Variants in ASIC1 observed in about 807,000 individuals in gnomAD.
ASIC1 encodes the protein acid-sensing ion channel 1.
Under a neutral mutation model 63.4 loss-of-function variants are expected in ASIC1, and 21 were observed. The ratio of observed to expected loss-of-function variants is 0.33; its 90% CI spans 0.23 to 0.48. The LOEUF (loss-of-function observed/expected upper bound fraction) is 0.48. Ranked by LOEUF, ASIC1 falls within the 20% of genes least tolerant of loss-of-function variation. The pLI is 0.99. For synonymous variants in ASIC1, 258 were observed against 278.2 expected (o/e 0.93, Z 0.72); for missense variants, 478 against 695.5 (o/e 0.69, Z 3.52).
Position 50,059,311 on chromosome 12 carries a change from C to G in ASIC1, c.362+183C>G, listed in dbSNP as rs1323154129. Among the ~76,000 whole-genome samples the G allele has an allele frequency of 6.6e-6, 1 of 152,084 alleles. No individual in the cohort carries two copies. The highest frequency in any genetic ancestry group is 1.5e-5 in the Non-Finnish European group (1 of 68,010). ...CTGCTGAGCACCCAGTTAAGGGCAC[C>G]CAGCCTCCGATCCCAGCATAGTCCA... is the stretch of plus-strand genomic sequence containing the variant. On this transcript the variant is annotated intron_variant, in intron 2 of 11. Coordinates refer to ENST00000447966, the MANE Select transcript of ASIC1 (RefSeq NM_001095.4). The surrounding 1 kb of genome is among the most constrained non-coding windows in gnomAD (Gnocchi z 4.6).
In ASIC1 at chr12:50,073,669, C is replaced by T. The variant is rs1009423847; in HGVS notation, c.559-3544C>T. On this transcript the variant is annotated intron_variant, in intron 3 of 11. Coordinates refer to ENST00000447966, the MANE Select transcript of ASIC1 (RefSeq NM_001095.4). ...CTTGGGAGATATTTGGGGTCCCCAC[C>T]ACCATCAGCAGCAGCAGGACATCTC... 16 of 1,536,238 alleles carry T rather than the reference C, an allele frequency of 1.0e-5. No individual in the cohort carries two copies. The Admixed American group carries it at 1.6e-4, about 15-fold the overall frequency.
intron 3 of ASIC1, 96 bp from the exon 4 acceptor site, chr12:50,077,117 G>T (rs1950662980): frequency 1.9e-6 from 3 of 1,577,760 alleles, no homozygotes; most frequent in African/African-American, 2.7e-5. Context: ...TTCCCAAAGG[G>T]TGTTGAGATT....
chr12:50,078,361 C>T lies in ASIC1; in HGVS notation c.838-60C>T, dbSNP rs1317457945. 5 of 1,597,948 alleles carry T rather than the reference C, an allele frequency of 3.1e-6. No homozygotes were observed. In the Admixed American group the frequency reaches 5.1e-5, roughly 16 times the overall value. ...AGATCTGCATCTTGTCAGAGGAGTC[C>T]ATCAAGCTGATTTGGGGAGAAGTCC... On this transcript the variant is annotated intron_variant, in intron 5 of 11. Coordinates refer to ENST00000447966, the MANE Select transcript of ASIC1 (RefSeq NM_001095.4). The surrounding 1 kb of genome is among the most constrained non-coding windows in gnomAD (Gnocchi z 6.0).
At chr12:50,073,664 C>T in intron 3 of ASIC1, 2 of 1,536,302 alleles carry the variant, frequency 1.3e-6, no homozygotes, top group Non-Finnish European at 1.7e-6. Flanking sequence ...ATTTGGGGTC[C>T]CCACCACCAT....
chr12:50,074,332 G>T lies in ASIC1; in HGVS notation c.559-2881G>T. The T allele has an allele frequency of 7.0e-7, 1 of 1,426,540 alleles. No individual in the cohort carries two copies. The highest frequency in any genetic ancestry group is 1.5e-5 in the South Asian group (1 of 65,798). The allele number at this position is 1,426,540 out of a possible 1,614,324, so 88.4% of individuals were successfully genotyped here. On this transcript the variant is annotated intron_variant, in intron 3 of 11. Coordinates refer to ENST00000447966, the MANE Select transcript of ASIC1 (RefSeq NM_001095.4). The surrounding 1 kb of genome is among the most constrained non-coding windows in gnomAD (Gnocchi z 4.2). ...GTCACCTCCTGGGGTTGGGGCTGGG[G>T]CTGGGGCTGGGGCTGATGACTGTGC... is the stretch of plus-strand genomic sequence containing the variant.
chr12:50,067,330 G>A (rs1273053357), intron 3 of ASIC1, among the ~76,000 whole-genome samples: 1 of 151,756 alleles, frequency 6.6e-6, no homozygotes. Flanking sequence ...TCATGTTGCC[G>A]AATCCAGCAA....
chr12:50,070,836 A>T (rs1950592391), intron 3 of ASIC1: 1 of 152,362 alleles, frequency 6.6e-6, no homozygotes, highest in Non-Finnish European at 1.5e-5. Flanking sequence ...GGAAAAAGAT[A>T]CACACAGGAC....
At chr12:50,072,635 T>C (rs1950611123) in intron 3 of ASIC1, among the ~76,000 whole-genome samples, 2 of 151,826 alleles carry the variant, frequency 1.3e-5, no homozygotes, top group African/African-American at 4.8e-5. Context: ...CAAACTAAAC[T>C]GTTCGGGGGG....
chr12:50,064,197 G>T (rs1361202654), intron 3 of ASIC1, among the ~76,000 whole-genome samples: 1 of 152,076 alleles, frequency 6.6e-6, no homozygotes, highest in Non-Finnish European at 1.5e-5. Flanking sequence ...TGCCCTAGGG[G>T]TTCATGGCTA....
chr12:50,077,396 G>A, intron 4 of ASIC1, 33 bp downstream of exon 4: 1 of 1,613,338 alleles, frequency 6.2e-7, no homozygotes, highest in Middle Eastern at 1.7e-4. Flanking sequence ...CCCTCTGCAT[G>A]GCTCTAGGCC....
intron 9 of ASIC1, 124 bp from the exon 10 acceptor site, chr12:50,080,978 G>A: frequency 2.1e-6 from 2 of 947,778 alleles, no homozygotes; most frequent in Non-Finnish European, 3.2e-6. Flanking sequence ...CTGGCTTTGC[G>A]ATCCTTCTGT....
At position 50,074,363 on chromosome 12, in the gene ASIC1, C is replaced by A. The variant is rs1175164457; in HGVS notation, c.559-2850C>A. On this transcript the variant is annotated intron_variant, in intron 3 of 11. Coordinates refer to ENST00000447966, the MANE Select transcript of ASIC1 (RefSeq NM_001095.4). The surrounding 1 kb of genome is among the most constrained non-coding windows in gnomAD (Gnocchi z 4.2). ...GCTGGGGCTGATGACTGTGCTGCCC[C>A]CTACCTCATCTGGCTGACACAGGCC... 1.4e-6 allele frequency: 2 copies of A among 1,402,618 alleles called. No individual in the cohort carries two copies. The highest frequency in any genetic ancestry group is 1.9e-6 in the Non-Finnish European group (2 of 1,080,490). 86.9% of individuals were successfully genotyped at this position (1,402,618 alleles called of 1,614,324 possible).
rs755795866 is a variant in ASIC1 at position 50,058,739 on chromosome 12, C to A, written c.-16-12C>A. On this transcript the variant is annotated splice_polypyrimidine_tract_variant and intron_variant, in intron 1 of 11. Coordinates refer to ENST00000447966, the MANE Select transcript of ASIC1 (RefSeq NM_001095.4). ...CAGGACAATGATAGACTGTCCCTCC[C>A]TCCTCCCCCAGGATCCCCTCAACAA... is the stretch of plus-strand genomic sequence containing the variant. 7 of 1,553,542 alleles carry A rather than the reference C, an allele frequency of 4.5e-6. No homozygotes were observed. The South Asian group carries it at 8.6e-5, about 19-fold the overall frequency.
rs1025157825 is a variant in ASIC1, at chr12:50,058,875, G to A, written c.109G>A (p.Glu37Lys). 8 of 1,613,948 alleles carry A rather than the reference G, an allele frequency of 5.0e-6. No individual in the cohort carries two copies. Among genetic ancestry groups the A allele is most frequent in the African/African-American group, 2.7e-5 (2 of 74,926 alleles). ...LHGLAHIFSY[E>K]RLSLKRALWA... ...CGGCCTGGCCCACATCTTCTCCTAC[G>A]AGCGGCTGTCTCTGAAGCGGGCACT... Residue 37 changes from glutamate to lysine, a missense_variant, in exon 2 of 12, where the codon GAG (glutamate) becomes AAG (lysine). By Grantham distance (56) the Glu-to-Lys change is moderately conservative. Transcript: ENST00000447966.
At chr12:50,064,408 C>A (rs1950528147) in intron 3 of ASIC1, among the ~76,000 whole-genome samples, 1 of 152,172 alleles carries the variant, frequency 6.6e-6, no homozygotes, top group Admixed American at 6.5e-5. Context: ...CTTCAGGTAG[C>A]CCAATTTCCT....
chr12:50,082,905 C>T lies in ASIC1; in HGVS notation c.*1256C>T, dbSNP rs1375363221. The T allele has an allele frequency of 1.3e-5, 2 of 152,870 alleles. No individual in the cohort carries two copies. Among genetic ancestry groups the T allele is most frequent in the Non-Finnish European group, 2.9e-5 (2 of 68,188 alleles). The allele number at this position is 152,870 out of a possible 1,614,324, so 9.5% of individuals were successfully genotyped here. On this transcript the variant is annotated 3_prime_UTR_variant, in exon 12 of 12. Coordinates refer to ENST00000447966, the MANE Select transcript of ASIC1 (RefSeq NM_001095.4). ...GGGCACCCTCGGCCCTCCCTGCAGC[C>T]TTAACATTCTCTTCCCCTGCTCCTC...
At position 50,072,455 on chromosome 12, in the gene ASIC1, G is replaced by A. The variant is rs954449985; in HGVS notation, c.559-4758G>A. Among the ~76,000 whole-genome samples, 3 of 151,930 alleles carry A rather than the reference G, an allele frequency of 2.0e-5. No individual in the cohort carries two copies. The South Asian group carries it at 6.2e-4, about 32-fold the overall frequency. Reference sequence around the variant, plus strand: ...GCCAGGGGCCTGGGGGCAGGGAATGGTAAATTAGCGGTAGGGGAGCCTCAG... The same window carrying A: ...GCCAGGGGCCTGGGGGCAGGGAATGATAAATTAGCGGTAGGGGAGCCTCAG... On this transcript the variant is annotated intron_variant, in intron 3 of 11. Transcript: ENST00000447966.
chr12:50,074,153 G>T lies in ASIC1; in HGVS notation c.559-3060G>T. On this transcript the variant is annotated intron_variant, in intron 3 of 11. Transcript: ENST00000447966. This position sits in a 1 kb window ranked among gnomAD's most constrained non-coding sequence, Gnocchi z 4.2. The stretch of plus-strand genomic sequence containing the variant: ...TCTGGGGAGCCCTTTAACCTGCACC[G>T]CTTCTACAATCGCTCCTGCCACCGG... The T allele has an allele frequency of 6.5e-7, 1 of 1,535,364 alleles. No homozygotes were observed. The highest frequency in any genetic ancestry group is 8.7e-7 in the Non-Finnish European group (1 of 1,146,466).
chr12:50,081,594 C>T lies in ASIC1; in HGVS notation c.1532C>T (p.Ala511Val). 6.2e-7 allele frequency: 1 copy of T among 1,614,114 alleles called. No homozygotes were observed. The highest frequency in any genetic ancestry group is 8.5e-7 in the Non-Finnish European group (1 of 1,179,974). Residue 511 changes from alanine (A) to valine (V), a missense_variant, in exon 12 of 12, where the codon GCC (alanine) becomes GTC (valine). Transcript: ENST00000447966. ...RGHPAGMTYAANILPHHPARG... is the reference protein window; with the variant it reads ...RGHPAGMTYAVNILPHHPARG... ...CACCCTGCCGGGATGACATACGCTG[C>T]CAACATCCTACCTCACCATCCGGCC...
Sources: allele counts gnomAD v4.1 joint callset (sites outside exome capture counted in the v4.1 genomes callset), GRCh38; gene constraint gnomAD v4.1.1; non-coding constraint Gnocchi (gnomAD v3.1); transcripts MANE v1.5; gene names NCBI Gene and HGNC (gene_info 2026-07-23, HGNC 2026-07-21).